Variants in ST6GALNAC5 observed in about 807,000 individuals in gnomAD.
The protein encoded by ST6GALNAC5 is ST6 N-acetylgalactosaminide alpha-2,6-sialyltransferase 5.
In ST6GALNAC5, 27 loss-of-function variants were observed where a neutral mutation model predicts 33.6. That is an observed-to-expected ratio of 0.80 (90% CI 0.59 to 1.11). The LOEUF (loss-of-function observed/expected upper bound fraction) is 1.11. ST6GALNAC5 is among the 50% of genes least tolerant of loss of function. The pLI is 0.00. For synonymous variants in ST6GALNAC5, 194 were observed against 171.2 expected, an observed-to-expected ratio of 1.13 and a Z score of -1.04; for missense variants, 428 against 454.0, an observed-to-expected ratio of 0.94 and a Z score of 0.52.
intron 2 of ST6GALNAC5, among the ~76,000 whole-genome samples, chr1:77,016,730 T>G (rs1203070794): frequency 1.3e-5 from 2 of 152,196 alleles, no homozygotes; most frequent in Non-Finnish European, 2.9e-5. Flanking sequence ...CATCTTTTTC[T>G]TTTTAGAATT....
chr1:77,059,794 A>G (rs1652517670), intron 4 of ST6GALNAC5, among the ~76,000 whole-genome samples: 2 of 151,606 alleles, frequency 1.3e-5, no homozygotes, highest in African/African-American at 2.4e-5. Context: ...TTTTTTCTAC[A>G]TTGTTTATTG....
At chr1:76,905,946 C>T (rs1314911074) in intron 2 of ST6GALNAC5, among the ~76,000 whole-genome samples, 1 of 152,118 alleles carries the variant, frequency 6.6e-6, no homozygotes, top group Non-Finnish European at 1.5e-5. Context: ...AGAAAGGTGC[C>T]TTCTATCGTG....
chr1:76,991,330 C>T (rs1041199502), intron 2 of ST6GALNAC5, among the ~76,000 whole-genome samples: 2 of 152,108 alleles, frequency 1.3e-5, no homozygotes, highest in African/African-American at 2.4e-5. Flanking sequence ...AAGCCTGAGG[C>T]CATATATCAA....
At position 76,868,159 on chromosome 1, in the gene ST6GALNAC5, G is replaced by A. The variant is rs185338710; in HGVS notation, c.16-338G>A. ...ACTCAAAATTCCAGCAGCTTGGCTG[G>A]GGTGGCTGCGCCAGACGGGCCCTTC... On this transcript the variant is annotated intron_variant, in intron 1 of 4. Transcript: ENST00000477717. This position sits in a 1 kb window ranked among gnomAD's most constrained non-coding sequence, Gnocchi z 4.3. 2.0e-5 allele frequency among the ~76,000 whole-genome samples: 3 copies of A among 152,264 alleles called. No homozygotes were observed. In the East Asian group the frequency reaches 5.8e-4, roughly 30 times the overall value.
intron 2 of ST6GALNAC5, among the ~76,000 whole-genome samples, chr1:77,007,067 C>T (rs956191406): frequency 6.6e-6 from 1 of 152,196 alleles, no homozygotes; most frequent in African/African-American, 2.4e-5. Flanking sequence ...ATTATGTTTG[C>T]TTGTCCTGTT....
At chr1:77,024,819 T>C (rs1161578306) in intron 2 of ST6GALNAC5, among the ~76,000 whole-genome samples, 2 of 152,148 alleles carry the variant, frequency 1.3e-5, no homozygotes, top group Non-Finnish European at 2.9e-5. Context: ...AACCAAGACC[T>C]AACCAGCCAC....
chr1:76,966,077 CT>C (rs1454480285), intron 2 of ST6GALNAC5, among the ~76,000 whole-genome samples: 1 of 152,128 alleles, frequency 6.6e-6, no homozygotes, highest in African/African-American at 2.4e-5. Context: ...TTAGGATTGT[CT>C]TGGCAATGTG....
chr1:76,959,270 C>T (rs978250244), intron 2 of ST6GALNAC5, among the ~76,000 whole-genome samples: 10 of 152,282 alleles, frequency 6.6e-5, no homozygotes, highest in African/African-American at 1.9e-4. Flanking sequence ...TATATTTATT[C>T]TTGCTGCTTT....
Position 76,968,372 on chromosome 1 carries a change from A to G in ST6GALNAC5, c.262-75832A>G, listed in dbSNP as rs370379876. ...TGTCTCTTTTGATCTTTGTTGGTTT[A>G]AAGTCTGTTTTATCAGAGACTAGGA... On this transcript the variant is annotated intron_variant, in intron 2 of 4. Coordinates refer to ENST00000477717, the MANE Select transcript of ST6GALNAC5 (RefSeq NM_030965.3). Among the ~76,000 whole-genome samples the G allele has an allele frequency of 4.6e-5, 7 of 152,048 alleles. No individual in the cohort carries two copies. The East Asian group carries it at 9.6e-4, about 21-fold the overall frequency.
chr1:76,958,056 T>C lies in ST6GALNAC5; in HGVS notation c.262-86148T>C, dbSNP rs191821235. Among the ~76,000 whole-genome samples, 6 of 152,270 alleles carry C rather than the reference T, an allele frequency of 3.9e-5. No individual in the cohort carries two copies. In the East Asian group the frequency reaches 1.2e-3, roughly 29 times the overall value. On this transcript the variant is annotated intron_variant, in intron 2 of 4. Coordinates refer to ENST00000477717, the MANE Select transcript of ST6GALNAC5 (RefSeq NM_030965.3). The stretch of plus-strand genomic sequence containing the variant: ...TTCATTATTAGATCAGATTAAGCAT[T>C]TTTGAAAAGAGTTCCCCGCAGGAGA...
intron 2 of ST6GALNAC5, among the ~76,000 whole-genome samples, chr1:77,007,515 T>C (rs1416550225): frequency 2.6e-5 from 4 of 152,206 alleles, no homozygotes; most frequent in African/African-American, 9.7e-5. Flanking sequence ...AGAATAAATG[T>C]TTGGATCCCT....
chr1:77,041,210 TG>T (rs1651820566), intron 2 of ST6GALNAC5, among the ~76,000 whole-genome samples: 3 of 152,242 alleles, frequency 2.0e-5, no homozygotes, highest in African/African-American at 7.2e-5. Flanking sequence ...CTTTCCTGGT[TG>T]TTCTCTCACC....
intron 2 of ST6GALNAC5, among the ~76,000 whole-genome samples, chr1:76,881,169 G>T (rs376169367): frequency 6.6e-6 from 1 of 152,040 alleles, no homozygotes; most frequent in Non-Finnish European, 1.5e-5. Flanking sequence ...TTGATCCAAC[G>T]GAAGAACTCT....
At chr1:76,899,362 G>C (rs1239968858) in intron 2 of ST6GALNAC5, among the ~76,000 whole-genome samples, 1 of 152,036 alleles carries the variant, frequency 6.6e-6, no homozygotes, top group African/African-American at 2.4e-5. Flanking sequence ...GAAGGGGTCG[G>C]GGTGTGGAAA....
intron 2 of ST6GALNAC5, among the ~76,000 whole-genome samples, chr1:77,009,016 G>C (rs959016787): frequency 2.0e-5 from 3 of 152,200 alleles, no homozygotes; most frequent in African/African-American, 7.2e-5. Flanking sequence ...TGTGTAGCCA[G>C]TCAGGAATTC....
intron 2 of ST6GALNAC5, among the ~76,000 whole-genome samples, chr1:77,021,046 C>T (rs1231478972): frequency 3.3e-5 from 5 of 152,188 alleles, no homozygotes; most frequent in African/African-American, 4.8e-5. Context: ...TGACACTTTC[C>T]ACTGCATTCT....
At chr1:77,044,751 G>A (rs1301974647) in intron 3 of ST6GALNAC5, 138 bp downstream of exon 3, 16 of 1,074,028 alleles carry the variant, frequency 1.5e-5, no homozygotes, top group Admixed American at 2.9e-5. Flanking sequence ...TTCACTTGTA[G>A]GGTCCTCTGC....
At chr1:76,882,581 C>A (rs1288146866) in intron 2 of ST6GALNAC5, among the ~76,000 whole-genome samples, 1 of 152,164 alleles carries the variant, frequency 6.6e-6, no homozygotes, top group African/African-American at 2.4e-5. Flanking sequence ...CTCTTAATGG[C>A]TAAGGAGGTG....
chr1:76,986,188 T>G (rs1318009478), intron 2 of ST6GALNAC5, among the ~76,000 whole-genome samples: 1 of 152,080 alleles, frequency 6.6e-6, no homozygotes, highest in East Asian at 1.9e-4. Context: ...CTAAAGAGCT[T>G]CCGCACAGCA....
Sources: gnomAD v4.1 joint callset for allele counts (sites outside exome capture counted in the v4.1 genomes callset) on GRCh38, gnomAD v4.1.1 for gene constraint, Gnocchi (gnomAD v3.1) non-coding constraint, MANE v1.5 for transcripts, NCBI Gene and HGNC (gene_info 2026-07-23, HGNC 2026-07-21) for gene names.